Variants in PCDHA3 observed in about 807,000 individuals in gnomAD.
PCDHA3 encodes the protein protocadherin alpha-3.
A neutral mutation model predicts 62.2 loss-of-function variants in PCDHA3; 41 were observed. The ratio of observed to expected loss-of-function variants is 0.66; its 90% CI spans 0.51 to 0.86. The LOEUF is 0.86. Ranked by LOEUF, PCDHA3 falls within the 40% of genes least tolerant of loss-of-function variation. The pLI, the probability that PCDHA3 is intolerant of heterozygous loss-of-function variation, is 0.00. For missense variants in PCDHA3, 1,304 were observed against 1,241.2 expected (o/e 1.05, Z -0.76); for synonymous variants, 640 against 555.4 (o/e 1.15, Z -2.14).
rs149846721 is a variant in PCDHA3 at position 140,856,069 on chromosome 5, C to T, written c.2394+52478C>T. ...ATAAGATGGTTTCCAGATGTAGCTG[C>T]CTGGGGGTCCAGTGTCTGCTGCTCT... is the stretch of plus-strand genomic sequence containing the variant. On this transcript the variant is annotated intron_variant, in intron 1 of 3. Transcript: ENST00000522353. 2.1e-5 allele frequency: 33 copies of T among 1,591,484 alleles called. 2 individuals carry two copies. In the African/African-American group the frequency reaches 3.4e-4, roughly 16 times the overall value.
Position 140,961,969 on chromosome 5 carries a change from C to A in PCDHA3, c.2395-16980C>A, listed in dbSNP as rs188846719. ...CATGATCTCGGCTCACTGCAACCTCCGCCTCCTGGGTTCACGCCATTGTCC... is the reference window on the plus strand; with the variant it reads ...CATGATCTCGGCTCACTGCAACCTCAGCCTCCTGGGTTCACGCCATTGTCC... On this transcript the variant is annotated intron_variant, in intron 1 of 3. Transcript: ENST00000522353. 8.7e-4 allele frequency among the ~76,000 whole-genome samples: 132 copies of A among 151,904 alleles called. 1 individual carries two copies. Among genetic ancestry groups the A allele is most frequent in the African/African-American group, 3.0e-3 (126 of 41,408 alleles).
intron 1 of PCDHA3, chr5:140,828,357 G>A: frequency 6.2e-7 from 1 of 1,614,244 alleles, no homozygotes; most frequent in South Asian, 1.1e-5. Flanking sequence ...GTGAATTCTC[G>A]GATCGACCGC....
At chr5:140,947,374 T>C (rs1252253428) in intron 1 of PCDHA3, among the ~76,000 whole-genome samples, 7 of 151,768 alleles carry the variant, frequency 4.6e-5, no homozygotes, top group Admixed American at 4.6e-4. Context: ...TTGATCTATA[T>C]GTTTATCCTT....
chr5:140,849,878 G>C, intron 1 of PCDHA3: 1 of 1,598,602 alleles, frequency 6.3e-7, no homozygotes, highest in South Asian at 1.1e-5. Context: ...CCGAGTACAC[G>C]GTGTTCGTGA....
At chr5:140,850,454 C>T (rs2150484793) in intron 1 of PCDHA3, 2 of 1,597,838 alleles carry the variant, frequency 1.3e-6, no homozygotes, top group Admixed American at 1.7e-5. Context: ...TGGTGAAAGA[C>T]CACGGGGAGC....
chr5:141,001,164 A>T (rs2097995699), intron 3 of PCDHA3, among the ~76,000 whole-genome samples: 1 of 152,102 alleles, frequency 6.6e-6, no homozygotes, highest in East Asian at 1.9e-4. Context: ...AATAAGTAAA[A>T]TTTAACGAGT....
intron 1 of PCDHA3, among the ~76,000 whole-genome samples, chr5:140,972,784 C>T (rs2096555970): frequency 1.3e-5 from 2 of 151,762 alleles, no homozygotes; most frequent in South Asian, 4.2e-4. Context: ...CTGCCTCAGC[C>T]TCCTGAGTAG....
chr5:140,828,187 C>A (rs2150152114), intron 1 of PCDHA3: 1 of 1,614,148 alleles, frequency 6.2e-7, no homozygotes, highest in Non-Finnish European at 8.5e-7. Context: ...GCCAGCTCCA[C>A]TACTCCGTAC....
chr5:140,848,477 A>G (rs1473834306), intron 1 of PCDHA3: 1 of 1,563,760 alleles, frequency 6.4e-7, no homozygotes, highest in Non-Finnish European at 8.7e-7. Context: ...ACTAATTAGA[A>G]GAAGACTGAG....
rs546101434 is a variant in PCDHA3 at position 140,801,706 on chromosome 5, A to T, written c.509A>T (p.Tyr170Phe). The T allele has an allele frequency of 6.6e-5, 106 of 1,614,180 alleles. No individual in the cohort carries two copies. The Admixed American group carries it at 1.8e-3, about 27-fold the overall frequency. Residue 170 changes from tyrosine (Y) to phenylalanine (F), a missense_variant, in exon 1 of 4, where the codon TAC (tyrosine) becomes TTC (phenylalanine). Physicochemically the swap from Tyr to Phe is conservative, Grantham distance 22. Coordinates refer to ENST00000522353, the MANE Select transcript of PCDHA3 (RefSeq NM_018906.3). ...ADIGTNSLLT[Y>F]SLDSTEYFTL... Reference sequence around the variant, plus strand: ...ATCGGAACAAATTCGTTGTTGACTTACAGTCTTGATTCCACTGAATATTTT... The same window carrying T: ...ATCGGAACAAATTCGTTGTTGACTTTCAGTCTTGATTCCACTGAATATTTT...
chr5:140,833,072 T>G (rs1212811880), intron 1 of PCDHA3, among the ~76,000 whole-genome samples: 2 of 152,190 alleles, frequency 1.3e-5, no homozygotes, highest in African/African-American at 4.8e-5. Flanking sequence ...AAACCTTTTG[T>G]ATAACTTTGA....
chr5:140,989,609 T>C (rs782186182), intron 3 of PCDHA3, among the ~76,000 whole-genome samples: 4 of 152,178 alleles, frequency 2.6e-5, no homozygotes, highest in Non-Finnish European at 5.9e-5. Flanking sequence ...AAACTAAAAA[T>C]GAAAGTCTGT....
intron 1 of PCDHA3, chr5:140,807,908 G>C (rs781869651): frequency 1.2e-6 from 2 of 1,614,008 alleles, no homozygotes; most frequent in Non-Finnish European, 1.7e-6. Flanking sequence ...CAATGCCCCA[G>C]CTTTTGACAG....
chr5:140,862,637 TCA>T (rs1396343286), intron 1 of PCDHA3: 1 of 539,612 alleles, frequency 1.9e-6, no homozygotes, highest in Admixed American at 1.9e-5. Flanking sequence ...TGCCACGACT[TCA>T]CAGTGTCCGC....
chr5:140,877,507 T>G, intron 1 of PCDHA3: 1 of 1,613,744 alleles, frequency 6.2e-7, no homozygotes, highest in Non-Finnish European at 8.5e-7. Flanking sequence ...CCCAAAGACG[T>G]CGTCGCGGGC....
chr5:140,923,280 A>C (rs2081292990), intron 1 of PCDHA3, among the ~76,000 whole-genome samples: 1 of 152,220 alleles, frequency 6.6e-6, no homozygotes, highest in South Asian at 2.1e-4. Context: ...CTCTACAAAA[A>C]ATTAAAAATT....
At chr5:140,876,056 T>G in intron 1 of PCDHA3, 1 of 1,613,918 alleles carries the variant, frequency 6.2e-7, no homozygotes, top group Non-Finnish European at 8.5e-7. Flanking sequence ...CCTGAATTAG[T>G]TCTTCGGAAG....
rs1446596900 is a variant in PCDHA3 at position 140,900,305 on chromosome 5, C to T, written c.2395-78644C>T. On this transcript the variant is annotated intron_variant, in intron 1 of 3. Transcript: ENST00000522353. ...TTTCTTTTCTGTTTTTTTAGACAGTCTCACTTTTGTCGCCCAGGCTGGAGT... is the reference window on the plus strand; with the variant it reads ...TTTCTTTTCTGTTTTTTTAGACAGTTTCACTTTTGTCGCCCAGGCTGGAGT... Among the ~76,000 whole-genome samples the T allele has an allele frequency of 1.3e-4, 20 of 151,754 alleles. No homozygotes were observed. In the East Asian group the frequency reaches 3.9e-3, roughly 30 times the overall value.
chr5:140,850,106 G>A lies in PCDHA3; in HGVS notation c.2394+46515G>A, dbSNP rs2150467412. 3.5e-5 allele frequency: 56 copies of A among 1,596,106 alleles called. 1 individual carries two copies. Among genetic ancestry groups the A allele is most frequent in the African/African-American group, 4.0e-5 (3 of 74,354 alleles). ...AGCTGCTACAGTTCCAGGTGAGCGC[G>A]CGCGACGCGGGCGTGCCGCCTCTGG... is the stretch of plus-strand genomic sequence containing the variant. On this transcript the variant is annotated intron_variant, in intron 1 of 3. Transcript: ENST00000522353.
Sources: allele counts gnomAD v4.1 joint callset (sites outside exome capture counted in the v4.1 genomes callset), GRCh38; gene constraint gnomAD v4.1.1; transcripts MANE v1.5; gene names NCBI Gene and HGNC (gene_info 2026-07-23, HGNC 2026-07-21).